Variants in PLPPR1 observed in about 807,000 individuals in gnomAD.
PLPPR1 encodes the protein phospholipid phosphatase related 1, also known as phospholipid phosphatase-related protein type 1.
PLPPR1 carries 10 observed loss-of-function variants against 33.1 expected under a neutral mutation model. The observed-to-expected ratio is 0.30, with a 90% CI of 0.19 to 0.51. The LOEUF is 0.51. Ranked by LOEUF, PLPPR1 falls within the 20% of genes least tolerant of loss-of-function variation. The probability of loss-of-function intolerance (pLI) is 0.97; values close to 1 mark genes in which losing one functional copy is unlikely to be tolerated. For missense variants in PLPPR1, 304 were observed against 408.1 expected (o/e 0.74, Z 2.20); for synonymous variants, 151 against 151.0 (o/e 1.00, Z 0.00).
At chr9:101,233,678 G>C (rs1161333995) in intron 2 of PLPPR1, among the ~76,000 whole-genome samples, 3 of 151,878 alleles carry the variant, frequency 2.0e-5, no homozygotes, top group Non-Finnish European at 4.4e-5. Flanking sequence ...GTTTTAGCAA[G>C]AAGGTCCTTA....
chr9:101,252,455 T>A (rs1329227710), intron 2 of PLPPR1, among the ~76,000 whole-genome samples: 1 of 152,112 alleles, frequency 6.6e-6, no homozygotes, highest in Non-Finnish European at 1.5e-5. Flanking sequence ...AATCTGTTCA[T>A]TTATGCAGGA....
At chr9:101,125,903 A>G (rs888705877) in intron 1 of PLPPR1, 3 of 401,022 alleles carry the variant, frequency 7.5e-6, no homozygotes, top group Middle Eastern at 6.5e-4. Context: ...CAATGAACAC[A>G]TTCAGCCCAT....
At chr9:101,192,257 A>C (rs1413361626) in intron 2 of PLPPR1, among the ~76,000 whole-genome samples, 1 of 152,072 alleles carries the variant, frequency 6.6e-6, no homozygotes, top group Non-Finnish European at 1.5e-5. Flanking sequence ...TTAGATTGCA[A>C]CTCTTACATT....
chr9:101,246,055 AATATATATAT>A (rs58070017), intron 2 of PLPPR1, among the ~76,000 whole-genome samples: 6,322 of 85,022 alleles, frequency 0.074, 457 homozygotes, highest in East Asian at 0.4. Context: ...ATTGAATATG[AATATATATAT>A]ATATATATAT....
At chr9:101,194,233 C>T (rs550135127) in intron 2 of PLPPR1, among the ~76,000 whole-genome samples, 1 of 152,164 alleles carries the variant, frequency 6.6e-6, no homozygotes, top group South Asian at 2.1e-4. Flanking sequence ...GTACTTACAA[C>T]CCAGCTATAT....
At chr9:101,064,739 A>T (rs2118474089) in intron 1 of PLPPR1, among the ~76,000 whole-genome samples, 1 of 152,150 alleles carries the variant, frequency 6.6e-6, no homozygotes, top group South Asian at 2.1e-4. Flanking sequence ...ACAGTTCTGG[A>T]GGCTGGGAGG....
chr9:101,249,010 C>A (rs1471443212), intron 2 of PLPPR1, among the ~76,000 whole-genome samples: 30 of 152,046 alleles, frequency 2.0e-4, no homozygotes, highest in Admixed American at 1.8e-3. Flanking sequence ...CAAAACAAAT[C>A]TTTGCTGCAT....
intron 2 of PLPPR1, among the ~76,000 whole-genome samples, chr9:101,195,167 C>T (rs145049220): frequency 1.9e-3 from 293 of 152,270 alleles, no homozygotes; most frequent in African/African-American, 6.7e-3. Flanking sequence ...TGATTCACAA[C>T]ACAGGCTTTT....
intron 1 of PLPPR1, among the ~76,000 whole-genome samples, chr9:101,082,010 GATA>G (rs1389688640): frequency 6.6e-6 from 1 of 152,212 alleles, no homozygotes; most frequent in Non-Finnish European, 1.5e-5. Context: ...TGCATCTTTA[GATA>G]TTGAAGAGTT....
intron 1 of PLPPR1, among the ~76,000 whole-genome samples, chr9:101,086,474 G>A (rs1328954772): frequency 6.6e-6 from 1 of 152,122 alleles, no homozygotes; most frequent in East Asian, 1.9e-4. Context: ...CCCCATGAAG[G>A]GTGTGTCCCA....
chr9:101,094,513 T>G (rs757192487), intron 1 of PLPPR1, among the ~76,000 whole-genome samples: 5 of 152,142 alleles, frequency 3.3e-5, no homozygotes, highest in Non-Finnish European at 5.9e-5. Context: ...TTTATAAAAA[T>G]CAGATTAGAT....
chr9:101,250,706 A>C (rs1564016608), intron 2 of PLPPR1, among the ~76,000 whole-genome samples: 1 of 152,060 alleles, frequency 6.6e-6, no homozygotes, highest in African/African-American at 2.4e-5. Flanking sequence ...GTTGTTAAAA[A>C]ACGAAAGAAG....
intron 1 of PLPPR1, among the ~76,000 whole-genome samples, chr9:101,085,327 T>A (rs1830663517): frequency 6.6e-6 from 1 of 152,182 alleles, no homozygotes; most frequent in Non-Finnish European, 1.5e-5. Context: ...CTTTCCAAGA[T>A]CCTTTTCTTT....
intron 1 of PLPPR1, among the ~76,000 whole-genome samples, chr9:101,071,221 G>A (rs1830478960): frequency 6.6e-6 from 1 of 152,106 alleles, no homozygotes; most frequent in African/African-American, 2.4e-5. Context: ...GCAGGGGACA[G>A]CTCAGGGAGT....
At chr9:101,181,132 A>G (rs1353694167) in intron 1 of PLPPR1, among the ~76,000 whole-genome samples, 6 of 147,750 alleles carry the variant, frequency 4.1e-5, no homozygotes, top group Non-Finnish European at 8.9e-5. Context: ...TAGATATATT[A>G]TATATCTAAT....
intron 4 of PLPPR1, among the ~76,000 whole-genome samples, chr9:101,295,280 C>T (rs574405128): frequency 9.2e-5 from 14 of 151,860 alleles, no homozygotes; most frequent in East Asian, 1.9e-4. Context: ...AACTACAAAC[C>T]GCTGCTCAAG....
chr9:101,256,775 C>G (rs1205901757), intron 2 of PLPPR1, among the ~76,000 whole-genome samples: 1 of 152,012 alleles, frequency 6.6e-6, no homozygotes, highest in Non-Finnish European at 1.5e-5. Flanking sequence ...CAAAATGTTC[C>G]TATTTTGTAA....
At chr9:101,291,095 T>C (rs1413063275) in intron 4 of PLPPR1, among the ~76,000 whole-genome samples, 2 of 152,206 alleles carry the variant, frequency 1.3e-5, no homozygotes. Flanking sequence ...TACTGCGCTT[T>C]TCCGACAACA....
rs547587948 is a variant in PLPPR1 at position 101,158,451 on chromosome 9, T to C, written c.-45-26999T>C. Among the ~76,000 whole-genome samples the C allele has an allele frequency of 1.2e-4, 18 of 152,120 alleles. No homozygotes were observed. The South Asian group carries it at 3.7e-3, about 32-fold the overall frequency. ...TTTGGATCTTTCCAGAAACATGCCA[T>C]GAGACAAAAAAGCAGATACAAATAG... is the stretch of plus-strand genomic sequence containing the variant. On this transcript the variant is annotated intron_variant, in intron 1 of 7. Transcript: ENST00000374874.
Sources: gnomAD v4.1 joint callset for allele counts (sites outside exome capture counted in the v4.1 genomes callset) on GRCh38, gnomAD v4.1.1 for gene constraint, MANE v1.5 for transcripts, NCBI Gene and HGNC (gene_info 2026-07-23, HGNC 2026-07-21) for gene names.